DARS1: variants seen among roughly 807,000 people sequenced by gnomAD.
DARS1 encodes aspartyl-tRNA synthetase 1, also known as aspartate--tRNA ligase, cytoplasmic.
A neutral mutation model predicts 68.8 loss-of-function variants in DARS1; 51 were observed. The observed-to-expected ratio is 0.74, with a 90% CI of 0.59 to 0.94. DARS1 has a LOEUF of 0.94. Ranked by LOEUF, DARS1 falls within the 40% of genes least tolerant of loss-of-function variation. The probability of loss-of-function intolerance (pLI) is 0.00; values close to 1 mark genes in which losing one functional copy is unlikely to be tolerated. For missense variants in DARS1, 607 were observed against 597.3 expected, an observed-to-expected ratio of 1.02 and a Z score of -0.17; for synonymous variants, 203 against 190.4, an observed-to-expected ratio of 1.07 and a Z score of -0.55.
chr2:135,933,344 T>A (rs1186113852), intron 6 of DARS1, among the ~76,000 whole-genome samples: 1 of 152,226 alleles, frequency 6.6e-6, no homozygotes, highest in Non-Finnish European at 1.5e-5. Context: ...CTGCTAAAGA[T>A]TCTATGATGT....
chr2:135,929,672 C>T (rs1160106521), intron 7 of DARS1, among the ~76,000 whole-genome samples: 7 of 152,062 alleles, frequency 4.6e-5, no homozygotes, highest in African/African-American at 1.7e-4. Context: ...TCTTATACTA[C>T]AAAATTACGA....
intron 15 of DARS1, among the ~76,000 whole-genome samples, chr2:135,908,364 G>A (rs371090958): frequency 1.7e-4 from 26 of 152,244 alleles, no homozygotes; most frequent in South Asian, 1.0e-3. Context: ...TACACTCACA[G>A]CATTGTGCAA....
At chr2:135,968,547 T>A (rs1395482912) in intron 3 of DARS1, among the ~76,000 whole-genome samples, 1 of 151,904 alleles carries the variant, frequency 6.6e-6, no homozygotes, top group East Asian at 1.9e-4. Flanking sequence ...GGTCTCCTTA[T>A]AAAGTCACTA....
intron 5 of DARS1, among the ~76,000 whole-genome samples, chr2:135,936,044 T>C (rs1486230111): frequency 6.6e-6 from 1 of 152,204 alleles, no homozygotes; most frequent in East Asian, 1.9e-4. Flanking sequence ...CTTCTACTTT[T>C]ATAACTAGTG....
intron 12 of DARS1, 121 bp from the exon 13 acceptor site, chr2:135,912,687 A>G (rs1308437992): frequency 2.2e-6 from 1 of 450,500 alleles, no homozygotes; most frequent in African/African-American, 2.0e-5. Context: ...TATTGTATAT[A>G]CAATGAATAT....
intron 11 of DARS1, among the ~76,000 whole-genome samples, chr2:135,915,813 G>A (rs1479638253): frequency 6.6e-6 from 1 of 152,072 alleles, no homozygotes; most frequent in African/African-American, 2.4e-5. Context: ...GGAAAGAGAA[G>A]TAACATATTA....
At chr2:135,922,597 ATTACTT>A (rs1681127683) in intron 9 of DARS1, among the ~76,000 whole-genome samples, 181 bp downstream of exon 9, 1 of 152,194 alleles carries the variant, frequency 6.6e-6, no homozygotes, top group Non-Finnish European at 1.5e-5. Context: ...TATTATTACT[ATTACTT>A]TTAAGAAAAT....
At chr2:135,947,950 G>C (rs1261756968) in intron 4 of DARS1, among the ~76,000 whole-genome samples, 2 of 151,948 alleles carry the variant, frequency 1.3e-5, no homozygotes, top group African/African-American at 2.4e-5. Flanking sequence ...TTTTGCTGTT[G>C]TTGCCAACCT....
chr2:135,933,990 T>A lies in DARS1; in HGVS notation c.424A>T (p.Ile142Phe). ...GGTTCAGCCAAACTGATCACATAAATCTGTAAGTGAGAGATTACCAAAAAT... is the reference window on the plus strand; with the variant it reads ...GGTTCAGCCAAACTGATCACATAAAACTGTAAGTGAGAGATTACCAAAAAT... ...QQDVELHVQK[I>F]YVISLAEPRL... Residue 142 changes from isoleucine (I) to phenylalanine (F), a missense_variant and splice_region_variant, in exon 6 of 16, where the codon ATT (isoleucine) becomes TTT (phenylalanine). Coordinates refer to ENST00000264161, the MANE Select transcript of DARS1 (RefSeq NM_001349.4). The A allele has an allele frequency of 6.2e-7, 1 of 1,611,168 alleles. No individual in the cohort carries two copies. The highest frequency in any genetic ancestry group is 8.5e-7 in the Non-Finnish European group (1 of 1,178,006).
chr2:135,983,502 A>T (rs1342636968), intron 1 of DARS1, 48 bp from the exon 2 acceptor site: 1 of 746,028 alleles, frequency 1.3e-6, no homozygotes, highest in Admixed American at 2.4e-5. Flanking sequence ...AAACACTAAG[A>T]GCACAGTAAA....
intron 7 of DARS1, among the ~76,000 whole-genome samples, chr2:135,926,463 C>T (rs937844300): frequency 6.6e-6 from 1 of 152,076 alleles, no homozygotes; most frequent in Non-Finnish European, 1.5e-5. Flanking sequence ...AACAGTTATT[C>T]ACATGACAAT....
At chr2:135,920,344 T>C (rs1681088542) in intron 10 of DARS1, 109 bp downstream of exon 10, 17 of 1,430,714 alleles carry the variant, frequency 1.2e-5, no homozygotes, top group East Asian at 2.5e-5. Context: ...AATCTTTATA[T>C]ATATGTTCAT....
chr2:135,978,157 A>G (rs1297638594), intron 3 of DARS1, among the ~76,000 whole-genome samples: 7 of 150,800 alleles, frequency 4.6e-5, no homozygotes, highest in African/African-American at 1.7e-4. Context: ...AAAAAAAAAA[A>G]AAAAAAAAGA....
chr2:135,926,295 T>C (rs1018506932), intron 7 of DARS1, among the ~76,000 whole-genome samples: 7 of 152,372 alleles, frequency 4.6e-5, no homozygotes, highest in African/African-American at 1.7e-4. Flanking sequence ...TTTAAAAAAC[T>C]GTACTTCTTC....
At chr2:135,917,699 G>GA (rs1681035465) in intron 10 of DARS1, among the ~76,000 whole-genome samples, 1 of 151,632 alleles carries the variant, frequency 6.6e-6, no homozygotes, top group Admixed American at 6.6e-5. Flanking sequence ...GGCTGGTCTT[G>GA]AACTCCTAGG....
chr2:135,963,122 G>A (rs1044108681), intron 3 of DARS1, among the ~76,000 whole-genome samples: 2 of 152,108 alleles, frequency 1.3e-5, no homozygotes, highest in Admixed American at 6.5e-5. Flanking sequence ...TCTATGGGTC[G>A]GCACTAGGGG....
chr2:135,921,257 A>G (rs560364782), intron 9 of DARS1, among the ~76,000 whole-genome samples: 1 of 151,692 alleles, frequency 6.6e-6, no homozygotes, highest in East Asian at 2.0e-4. Context: ...CCAAATGACT[A>G]CTGTAGTAAG....
At position 135,916,249 on chromosome 2, in the gene DARS1, T is replaced by C. The variant is rs760769694; in HGVS notation, c.1083A>G (p.Glu361=). 7 of 1,599,918 alleles carry C rather than the reference T, an allele frequency of 4.4e-6. No individual in the cohort carries two copies. Among genetic ancestry groups the C allele is most frequent in the East Asian group, 2.2e-5 (1 of 44,764 alleles). ...ALAMLREAGV[E]MGDEDDLSTP... ...ACCTCAGATCGTCTTCATCTCCCATTTCGACTCCAGCTTCCCTAAGCATAG... is the reference window on the plus strand; with the variant it reads ...ACCTCAGATCGTCTTCATCTCCCATCTCGACTCCAGCTTCCCTAAGCATAG... The change falls in exon 11 of 16, where the codon GAA becomes GAG. Residue 361 remains glutamate, a synonymous_variant. Transcript: ENST00000264161.
In DARS1 at chr2:135,911,363, A is replaced by C; in HGVS notation, c.1342+19T>G. 1 of 883,010 alleles carries C rather than the reference A, an allele frequency of 1.1e-6. No homozygotes were observed. Among genetic ancestry groups the C allele is most frequent in the South Asian group, 1.3e-5 (1 of 74,900 alleles). 54.7% of individuals were successfully genotyped at this position (883,010 alleles called of 1,614,324 possible). A position where few individuals can be genotyped will look rare whatever the true frequency, so the allele number is the denominator to read the frequency against. On this transcript the variant is annotated intron_variant, in intron 14 of 15. Transcript: ENST00000264161. ...ATTTTCAGAATATACACTCCCCTAA[A>C]TTATTTTAAGTTGTTTACCAATTCC...
Sources: gnomAD v4.1 joint callset for allele counts (sites outside exome capture counted in the v4.1 genomes callset) on GRCh38, gnomAD v4.1.1 for gene constraint, MANE v1.5 for transcripts, NCBI Gene and HGNC (gene_info 2026-07-23, HGNC 2026-07-21) for gene names.